SLC25A13: variants seen among roughly 807,000 people sequenced by gnomAD.
The protein encoded by SLC25A13 is electrogenic aspartate/glutamate antiporter SLC25A13, mitochondrial.
Under a neutral mutation model 85.5 loss-of-function variants are expected in SLC25A13, and 70 were observed. The ratio of observed to expected loss-of-function variants is 0.82; its 90% CI spans 0.68 to 1.00. The LOEUF is 1.00. Among genes scored for constraint, SLC25A13 ranks in the 50% least tolerant of loss-of-function variants. SLC25A13 has a pLI of 0.00. For missense variants in SLC25A13, 765 were observed against 819.8 expected (o/e 0.93, Z 0.82); for synonymous variants, 259 against 288.7 (o/e 0.90, Z 1.04).
At chr7:96,159,058 C>T (rs910797905) in intron 13 of SLC25A13, among the ~76,000 whole-genome samples, 1 of 152,126 alleles carries the variant, frequency 6.6e-6, no homozygotes, top group African/African-American at 2.4e-5. Flanking sequence ...CAAAACTGTT[C>T]ACAAGTGCTG....
intron 5 of SLC25A13, among the ~76,000 whole-genome samples, chr7:96,201,790 C>T (rs142894649): frequency 1.0e-3 from 152 of 152,172 alleles, no homozygotes; most frequent in African/African-American, 3.2e-3. Context: ...GGTGGTTGGG[C>T]GGGGGTAGTA....
chr7:96,241,771 A>G (rs1200383948), intron 3 of SLC25A13, among the ~76,000 whole-genome samples: 1 of 152,212 alleles, frequency 6.6e-6, no homozygotes, highest in Non-Finnish European at 1.5e-5. Flanking sequence ...CTCAACTTAG[A>G]TAGTGGCAGG....
chr7:96,218,623 A>G (rs1182362886), intron 4 of SLC25A13, among the ~76,000 whole-genome samples: 1 of 152,220 alleles, frequency 6.6e-6, no homozygotes, highest in African/African-American at 2.4e-5. Flanking sequence ...CAGCATATCT[A>G]TGAAAAAGAG....
intron 13 of SLC25A13, among the ~76,000 whole-genome samples, chr7:96,152,292 A>G (rs1793082761): frequency 6.6e-6 from 1 of 152,206 alleles, no homozygotes; most frequent in Non-Finnish European, 1.5e-5. Context: ...TAGGAGCTGT[A>G]GAGGTCTGAG....
chr7:96,167,737 G>A (rs552364316), intron 13 of SLC25A13, among the ~76,000 whole-genome samples: 10 of 152,102 alleles, frequency 6.6e-5, no homozygotes, highest in Non-Finnish European at 1.3e-4. Flanking sequence ...ACCCTCTAAG[G>A]TGTGTGACTG....
chr7:96,146,473 A>T (rs539051018), intron 14 of SLC25A13, 83 bp downstream of exon 14: 1 of 1,554,882 alleles, frequency 6.4e-7, no homozygotes, highest in East Asian at 2.2e-5. Context: ...GCAAAAAAAA[A>T]TGGATTTCAT....
chr7:96,232,225 C>T (rs1796564653), intron 4 of SLC25A13, among the ~76,000 whole-genome samples: 1 of 152,000 alleles, frequency 6.6e-6, no homozygotes, highest in South Asian at 2.1e-4. Context: ...AAATGTGGTA[C>T]ATATACACCA....
At chr7:96,306,961 C>T in intron 1 of SLC25A13, 1 of 858,898 alleles carries the variant, frequency 1.2e-6, no homozygotes, top group Non-Finnish European at 1.9e-6. Context: ...CCTGTAGTGA[C>T]CACAGGTCCC....
intron 3 of SLC25A13, among the ~76,000 whole-genome samples, chr7:96,247,809 A>T (rs1364618980): frequency 6.6e-6 from 1 of 152,180 alleles, no homozygotes. Flanking sequence ...CAATCAAGCT[A>T]ATTAACACAT....
intron 13 of SLC25A13, among the ~76,000 whole-genome samples, chr7:96,166,234 CAT>C (rs554741589): frequency 4.1e-4 from 62 of 152,332 alleles, no homozygotes; most frequent in African/African-American, 1.1e-3. Flanking sequence ...CACGCACACA[CAT>C]GTGTGCATCA....
intron 3 of SLC25A13, among the ~76,000 whole-genome samples, chr7:96,271,089 C>CT (rs1798222901): frequency 6.6e-6 from 1 of 152,170 alleles, no homozygotes; most frequent in Non-Finnish European, 1.5e-5. Flanking sequence ...TGCAAAGACC[C>CT]TTTTTCCAAA....
intron 3 of SLC25A13, among the ~76,000 whole-genome samples, chr7:96,242,863 G>A (rs1239565207): frequency 4.6e-5 from 7 of 152,190 alleles, no homozygotes; most frequent in Non-Finnish European, 1.0e-4. Flanking sequence ...GCTGCACCCC[G>A]ACCACCTTGG....
Position 96,121,836 on chromosome 7 carries a change from T to C in SLC25A13, c.1750+3A>G, listed in dbSNP as rs1465101852. On this transcript the variant is annotated splice_donor_region_variant and intron_variant, in intron 16 of 17. Coordinates refer to ENST00000265631, the MANE Select transcript of SLC25A13 (RefSeq NM_014251.3). ...GTTAGTTAAGAACACATTATTTCCA[T>C]ACCACCAGCTCCCTTCCACAGAGCT... is the stretch of plus-strand genomic sequence containing the variant. 36 of 1,614,114 alleles carry C rather than the reference T, an allele frequency of 2.2e-5. No individual in the cohort carries two copies. The highest frequency in any genetic ancestry group is 2.7e-5 in the Non-Finnish European group (32 of 1,180,036).
chr7:96,279,276 T>G (rs753424208), intron 2 of SLC25A13, among the ~76,000 whole-genome samples: 109 of 152,352 alleles, frequency 7.2e-4, no homozygotes, highest in Admixed American at 1.8e-3. Flanking sequence ...ATTGAGTGTA[T>G]AGAATTTTTT....
chr7:96,149,846 C>T lies in SLC25A13; in HGVS notation c.1312-3150G>A, dbSNP rs564200350. 1.4e-4 allele frequency among the ~76,000 whole-genome samples: 22 copies of T among 152,336 alleles called. No individual in the cohort carries two copies. The South Asian group carries it at 2.1e-3, about 14-fold the overall frequency. On this transcript the variant is annotated intron_variant, in intron 13 of 17. Coordinates refer to ENST00000265631, the MANE Select transcript of SLC25A13 (RefSeq NM_014251.3). ...CATTCACAGTACCATACCCATGGTTCCTCTTTTGCAGAGATCAAAGATAGC... is the reference window on the plus strand; with the variant it reads ...CATTCACAGTACCATACCCATGGTTTCTCTTTTGCAGAGATCAAAGATAGC...
chr7:96,234,001 G>C (rs1796651535), intron 4 of SLC25A13, among the ~76,000 whole-genome samples: 1 of 152,124 alleles, frequency 6.6e-6, no homozygotes, highest in East Asian at 1.9e-4. Context: ...CATGCCTAAA[G>C]GGCTCCAAAA....
Position 96,120,649 on chromosome 7 carries a change from T to A in SLC25A13, c.*542A>T, listed in dbSNP as rs1791459945. 2.2e-6 allele frequency: 1 copy of A among 454,416 alleles called. No homozygotes were observed. Among genetic ancestry groups the A allele is most frequent in the African/African-American group, 2.0e-5 (1 of 50,014 alleles). The allele number at this position is 454,416 out of a possible 1,614,324, so 28.1% of individuals were successfully genotyped here. A position where few individuals can be genotyped will look rare whatever the true frequency, so the allele number is the denominator to read the frequency against. ...ATGTGGTTTTCATTACAAAGAAACA[T>A]GTTTCACATAAAAGCTTCATAATAT... On this transcript the variant is annotated 3_prime_UTR_variant, in exon 18 of 18. Transcript: ENST00000265631.
At chr7:96,168,011 A>C (rs1457628996) in intron 13 of SLC25A13, among the ~76,000 whole-genome samples, 1 of 147,208 alleles carries the variant, frequency 6.8e-6, no homozygotes, top group Non-Finnish European at 1.5e-5. Flanking sequence ...GAGGCAGGAG[A>C]ATCGCTTGAA....
intron 2 of SLC25A13, among the ~76,000 whole-genome samples, chr7:96,289,426 G>C (rs777726314): frequency 6.6e-6 from 1 of 152,186 alleles, no homozygotes; most frequent in Non-Finnish European, 1.5e-5. Flanking sequence ...TTCACGAGTT[G>C]AGAGAAGAAG....
Sources: gnomAD v4.1 joint callset for allele counts (sites outside exome capture counted in the v4.1 genomes callset) on GRCh38, gnomAD v4.1.1 for gene constraint, MANE v1.5 for transcripts, NCBI Gene and HGNC (gene_info 2026-07-23, HGNC 2026-07-21) for gene names.